The following RAPGEF1 variants were observed in gnomAD, a reference collection of about 807,000 sequenced individuals.
RAPGEF1 encodes CRK SH3-binding GNRP.
A neutral mutation model predicts 143.3 loss-of-function variants in RAPGEF1; 33 were observed. The observed-to-expected ratio is 0.23, with a 90% confidence interval of 0.17 to 0.31. The LOEUF (loss-of-function observed/expected upper bound fraction) is 0.31. Among genes scored for constraint, RAPGEF1 ranks in the 10% least tolerant of loss-of-function variants. The pLI is 1.00. For synonymous variants in RAPGEF1, 629 were observed against 676.5 expected, an observed-to-expected ratio of 0.93 and a Z score of 1.09; for missense variants, 1,199 against 1,645.4, an observed-to-expected ratio of 0.73 and a Z score of 4.69.
At chr9:131,664,436 ATGAG>A (rs1164661168) in intron 1 of RAPGEF1, among the ~76,000 whole-genome samples, 2 of 152,172 alleles carry the variant, frequency 1.3e-5, no homozygotes, top group African/African-American at 2.4e-5. Flanking sequence ...ATAATTAAAT[ATGAG>A]TGTGTATATA....
intron 15 of RAPGEF1, among the ~76,000 whole-genome samples, chr9:131,601,324 C>T (rs569340393): frequency 9.2e-5 from 14 of 152,116 alleles, no homozygotes; most frequent in South Asian, 2.1e-4. Flanking sequence ...CTAGAAATGT[C>T]CCTGATAACA....
intron 1 of RAPGEF1, among the ~76,000 whole-genome samples, chr9:131,674,332 C>T (rs550034805): frequency 1.3e-5 from 2 of 152,176 alleles, no homozygotes; most frequent in Non-Finnish European, 2.9e-5. Context: ...AATGAACCAA[C>T]TACGTTAAGA....
Position 131,603,948 on chromosome 9 carries a change from C to T in RAPGEF1, c.2412+13G>A, listed in dbSNP as rs779504807. ...GCCAGGCCACATGCAGGAGGCCGCCCGAGGTTACTTACTCCTCGAGAGGGA... is the reference window on the plus strand; with the variant it reads ...GCCAGGCCACATGCAGGAGGCCGCCTGAGGTTACTTACTCCTCGAGAGGGA... On this transcript the variant is annotated intron_variant, in intron 14 of 26. Coordinates refer to ENST00000683357, the MANE Select transcript of RAPGEF1 (RefSeq NM_001377935.1). 4 of 1,308,348 alleles carry T rather than the reference C, an allele frequency of 3.1e-6. No individual in the cohort carries two copies. The highest frequency in any genetic ancestry group is 3.0e-6 in the Non-Finnish European group (3 of 989,356). 81.0% of individuals were successfully genotyped at this position (1,308,348 alleles called of 1,614,324 possible). A position where few individuals can be genotyped will look rare whatever the true frequency, so the allele number is the denominator to read the frequency against.
intron 1 of RAPGEF1, among the ~76,000 whole-genome samples, chr9:131,723,842 G>A (rs931715526): frequency 6.6e-6 from 1 of 152,076 alleles, no homozygotes; most frequent in African/African-American, 2.4e-5. Flanking sequence ...TTAGTTTTTT[G>A]GCGAGCTGCC....
At chr9:131,719,225 A>G (rs1836079916) in intron 1 of RAPGEF1, among the ~76,000 whole-genome samples, 1 of 152,204 alleles carries the variant, frequency 6.6e-6, no homozygotes, top group African/African-American at 2.4e-5. Context: ...CTAATATCCC[A>G]AGGCACAATA....
intron 10 of RAPGEF1, 33 bp from the exon 11 acceptor site, chr9:131,622,031 C>CG (rs1475706065): frequency 6.3e-7 from 1 of 1,586,656 alleles, no homozygotes. Context: ...GCAGCGAGGC[C>CG]GGGGGAGGCC....
chr9:131,607,097 T>A (rs1957238697), intron 12 of RAPGEF1, among the ~76,000 whole-genome samples: 1 of 152,162 alleles, frequency 6.6e-6, no homozygotes, highest in African/African-American at 2.4e-5. Flanking sequence ...TCACACCAGA[T>A]CCATGACATC....
intron 1 of RAPGEF1, among the ~76,000 whole-genome samples, chr9:131,681,325 C>A (rs939443822): frequency 1.3e-5 from 2 of 152,148 alleles, no homozygotes; most frequent in African/African-American, 4.8e-5. Context: ...ACTCTTAATT[C>A]TATTCAGGCA....
chr9:131,609,377 T>C (rs893344593), intron 12 of RAPGEF1, among the ~76,000 whole-genome samples: 4 of 152,118 alleles, frequency 2.6e-5, no homozygotes, highest in Non-Finnish European at 5.9e-5. Flanking sequence ...ATGGCTGATA[T>C]CACAATCAGT....
chr9:131,651,898 C>A (rs1971167907), intron 1 of RAPGEF1, among the ~76,000 whole-genome samples: 1 of 152,198 alleles, frequency 6.6e-6, no homozygotes, highest in African/African-American at 2.4e-5. Flanking sequence ...AGGCTACACA[C>A]CTGTACAGTA....
rs771781674 is a variant in RAPGEF1 at position 131,619,130 on chromosome 9, T to C, written c.1982A>G (p.Asp661Gly). The change falls in exon 12 of 27, where the codon GAC becomes GGC. Residue 661 changes from aspartate (D) to glycine (G), a missense_variant. Physicochemically the swap from Asp to Gly is moderately conservative, Grantham distance 94 (BLOSUM62 -1). Transcript: ENST00000683357. ...ACTGAGGCCCTGAGCGGCACTGCCG[T>C]CCTCGGGGGTGAAGGCCACTTTAGT... Reference protein sequence around the residue: ...QQTKVAFTPEDGSAAQGLSVS... With the variant: ...QQTKVAFTPEGGSAAQGLSVS... 2 of 1,333,668 alleles carry C rather than the reference T, an allele frequency of 1.5e-6. No homozygotes were observed. Among genetic ancestry groups the C allele is most frequent in the South Asian group, 1.2e-5 (1 of 83,182 alleles). 82.6% of individuals were successfully genotyped at this position (1,333,668 alleles called of 1,614,324 possible).
At chr9:131,693,964 T>C (rs1456774936) in intron 1 of RAPGEF1, among the ~76,000 whole-genome samples, 1 of 151,954 alleles carries the variant, frequency 6.6e-6, no homozygotes, top group Non-Finnish European at 1.5e-5. Flanking sequence ...TCTCTCTCTC[T>C]CCAAACACTT....
At chr9:131,693,862 G>T (rs1248433314) in intron 1 of RAPGEF1, among the ~76,000 whole-genome samples, 2 of 151,804 alleles carry the variant, frequency 1.3e-5, no homozygotes, top group Admixed American at 6.6e-5. Flanking sequence ...TTCCATTCTT[G>T]CCATTCCAAG....
chr9:131,613,365 A>C (rs1958351636), intron 12 of RAPGEF1, among the ~76,000 whole-genome samples: 2 of 152,146 alleles, frequency 1.3e-5, no homozygotes, highest in Non-Finnish European at 2.9e-5. Flanking sequence ...GGGGAGAAGC[A>C]GTGTGAGGGC....
chr9:131,738,412 G>A, intron 1 of RAPGEF1, among the ~76,000 whole-genome samples: 1 of 152,142 alleles, frequency 6.6e-6, no homozygotes, highest in South Asian at 2.1e-4. Flanking sequence ...AGCAGCAGGT[G>A]TACAGGATGG....
intron 1 of RAPGEF1, among the ~76,000 whole-genome samples, chr9:131,720,272 C>A (rs1221420561): frequency 6.6e-6 from 1 of 152,226 alleles, no homozygotes; most frequent in Non-Finnish European, 1.5e-5. Context: ...CATAGCACAG[C>A]TCCTGGCATT....
In RAPGEF1 at chr9:131,603,940, AG is replaced by A; in HGVS notation, c.2412+20del. ...CCCACCAGGCCAGGCCACATGCAGG[AG>A]GCCGCCCGAGGTTACTTACTCCTCG... On this transcript the variant is annotated intron_variant, in intron 14 of 26. Transcript: ENST00000683357. The A allele has an allele frequency of 7.7e-7, 1 of 1,291,440 alleles. No individual in the cohort carries two copies. Among genetic ancestry groups the A allele is most frequent in the Non-Finnish European group, 1.0e-6 (1 of 976,274 alleles). 80.0% of individuals were successfully genotyped at this position (1,291,440 alleles called of 1,614,324 possible).
At chr9:131,669,807 C>T (rs991982455) in intron 1 of RAPGEF1, among the ~76,000 whole-genome samples, 9 of 152,206 alleles carry the variant, frequency 5.9e-5, no homozygotes, top group Non-Finnish European at 1.2e-4. Flanking sequence ...CTGGTTTAAG[C>T]ACAGACAGAA....
intron 9 of RAPGEF1, among the ~76,000 whole-genome samples, chr9:131,627,551 C>A (rs1197471922): frequency 6.6e-6 from 1 of 152,188 alleles, no homozygotes; most frequent in Admixed American, 6.5e-5. Flanking sequence ...CGGCTCCCTC[C>A]CCTTCAGCCT....
Sources: allele counts gnomAD v4.1 joint callset (sites outside exome capture counted in the v4.1 genomes callset), GRCh38; gene constraint gnomAD v4.1.1; transcripts MANE v1.5; gene names NCBI Gene and HGNC (gene_info 2026-07-23, HGNC 2026-07-21).